The following SLC12A1 variants were observed in gnomAD, a reference collection of about 807,000 sequenced individuals.
SLC12A1 encodes the protein solute carrier family 12 member 1, also known as Na-K-2Cl cotransporter.
SLC12A1 carries 89 observed loss-of-function variants against 130.4 expected under a neutral mutation model. That is an observed-to-expected ratio of 0.68 (90% CI 0.58 to 0.81). The LOEUF is 0.81. Among genes scored for constraint, SLC12A1 ranks in the 40% least tolerant of loss-of-function variants. The probability of loss-of-function intolerance (pLI) is 0.00; values close to 1 mark genes in which losing one functional copy is unlikely to be tolerated. For missense variants in SLC12A1, 1,310 were observed against 1,336.4 expected (o/e 0.98, Z 0.31); for synonymous variants, 499 against 460.0 (o/e 1.08, Z -1.09).
At position 48,274,558 on chromosome 15, in the gene SLC12A1, C is replaced by T; in HGVS notation, c.2403-13C>T. On this transcript the variant is annotated splice_polypyrimidine_tract_variant and intron_variant, in intron 19 of 26. Transcript: ENST00000380993. ...GCCATTTAAAACGCTGACTGCTTTG[C>T]TTCCTCTTTCAGTGATGCATTTGAT... is the stretch of plus-strand genomic sequence containing the variant. 6.8e-7 allele frequency: 1 copy of T among 1,477,058 alleles called. No individual in the cohort carries two copies. The highest frequency in any genetic ancestry group is 9.5e-7 in the Non-Finnish European group (1 of 1,057,032). 91.5% of individuals were successfully genotyped at this position (1,477,058 alleles called of 1,614,324 possible).
intron 17 of SLC12A1, among the ~76,000 whole-genome samples, chr15:48,260,879 A>G (rs1357655773): frequency 6.6e-6 from 1 of 152,238 alleles, no homozygotes; most frequent in Non-Finnish European, 1.5e-5. Flanking sequence ...TAAATGCTTT[A>G]TGAAGCAGTT....
At chr15:48,263,505 G>A (rs1276458847) in intron 17 of SLC12A1, among the ~76,000 whole-genome samples, 1 of 152,000 alleles carries the variant, frequency 6.6e-6, no homozygotes, top group East Asian at 1.9e-4. Context: ...CATTTTTATA[G>A]ATCAAAATCG....
Position 48,206,329 on chromosome 15 carries a change from T to C in SLC12A1, c.-188T>C, listed in dbSNP as rs2040983353. ...ATTTCCTCAGAAGAAGGCTCCTTGG[T>C]GGTAAGTTGAACATTTCTGGGCAGG... On this transcript the variant is annotated splice_region_variant and 5_prime_UTR_variant, in exon 1 of 27. Transcript: ENST00000380993. 2.0e-5 allele frequency: 3 copies of C among 152,206 alleles called. No homozygotes were observed. The highest frequency in any genetic ancestry group is 2.0e-4 in the Admixed American group (3 of 15,278). The allele number at this position is 152,206 out of a possible 1,614,324, so 9.4% of individuals were successfully genotyped here.
chr15:48,232,574 A>G (rs2041394147), intron 7 of SLC12A1, among the ~76,000 whole-genome samples, 153 bp from the exon 8 acceptor site: 1 of 152,226 alleles, frequency 6.6e-6, no homozygotes, highest in African/African-American at 2.4e-5. Flanking sequence ...ATGCCATTCT[A>G]ATAAGGATGC....
Position 48,231,247 on chromosome 15 carries a change from TG to T in SLC12A1, c.975+745del, listed in dbSNP as rs1454963104. Reference sequence around the variant, plus strand: ...AAAAATTAAGTTAGTGCCTACCACATGTTGAGCATTCTTCTAGGCACTGATA... The same window carrying T: ...AAAAATTAAGTTAGTGCCTACCACATTTGAGCATTCTTCTAGGCACTGATA... On this transcript the variant is annotated intron_variant, in intron 7 of 26. Coordinates refer to ENST00000380993, the MANE Select transcript of SLC12A1 (RefSeq NM_000338.3). 3.3e-5 allele frequency among the ~76,000 whole-genome samples: 5 copies of T among 152,362 alleles called. No homozygotes were observed. The East Asian group carries it at 9.6e-4, about 29-fold the overall frequency.
intron 2 of SLC12A1, among the ~76,000 whole-genome samples, chr15:48,210,863 C>CA (rs879639499): frequency 4.5e-4 from 62 of 136,910 alleles, no homozygotes; most frequent in Admixed American, 7.3e-4. Flanking sequence ...AACTCCATCT[C>CA]AAAAAAAAAA....
intron 20 of SLC12A1, 28 bp from the exon 21 acceptor site, chr15:48,285,078 A>T: frequency 6.5e-7 from 1 of 1,528,742 alleles, no homozygotes; most frequent in Non-Finnish European, 8.8e-7. Flanking sequence ...TTCTGAGTTA[A>T]GTAGGTGATT....
intron 17 of SLC12A1, among the ~76,000 whole-genome samples, chr15:48,263,278 T>G (rs1251971922): frequency 2.0e-5 from 3 of 152,210 alleles, no homozygotes; most frequent in African/African-American, 7.2e-5. Context: ...ACAAATCAGA[T>G]AAAGTCATTA....
chr15:48,266,824 T>C (rs1441516552), intron 17 of SLC12A1, among the ~76,000 whole-genome samples: 1 of 152,142 alleles, frequency 6.6e-6, no homozygotes, highest in Non-Finnish European at 1.5e-5. Flanking sequence ...AAAATAGAAT[T>C]TTTCATTAAA....
rs185746045 is a variant in SLC12A1, at chr15:48,286,161, G to A, written c.2629+912G>A. ...AAGGCCATCTCCTACCCTGTAAATC[G>A]TTTGTCTGTTTGCTTTCCTACTATA... On this transcript the variant is annotated intron_variant, in intron 21 of 26. Coordinates refer to ENST00000380993, the MANE Select transcript of SLC12A1 (RefSeq NM_000338.3). 4.6e-5 allele frequency among the ~76,000 whole-genome samples: 7 copies of A among 152,164 alleles called. No individual in the cohort carries two copies. The East Asian group carries it at 1.4e-3, about 29-fold the overall frequency.
rs891445620 is a variant in SLC12A1, at chr15:48,230,235, GT to G, written c.865-152del. ...CTATTATCACAGAAAAAAATGCTAG[GT>G]TTTTTATCTTCATAAATGTATGAAT... On this transcript the variant is annotated intron_variant, in intron 6 of 26. Transcript: ENST00000380993. 7.2e-4 allele frequency among the ~76,000 whole-genome samples: 109 copies of G among 152,100 alleles called. 1 individual carries two copies. The highest frequency in any genetic ancestry group is 2.3e-3 in the African/African-American group (96 of 41,480).
chr15:48,219,781 G>A (rs1364818988), intron 2 of SLC12A1, among the ~76,000 whole-genome samples: 1 of 151,904 alleles, frequency 6.6e-6, no homozygotes, highest in Admixed American at 6.6e-5. Flanking sequence ...GGACGGGCGC[G>A]GTGGCTCACA....
At chr15:48,220,074 A>G in intron 2 of SLC12A1, among the ~76,000 whole-genome samples, 1 of 144,898 alleles carries the variant, frequency 6.9e-6, no homozygotes, top group Non-Finnish European at 1.5e-5. Flanking sequence ...GTGCCACTGC[A>G]CTCCAGCCTG....
At chr15:48,219,184 T>C (rs1368894284) in intron 2 of SLC12A1, among the ~76,000 whole-genome samples, 2 of 152,226 alleles carry the variant, frequency 1.3e-5, no homozygotes, top group Non-Finnish European at 2.9e-5. Flanking sequence ...AGGAATAACA[T>C]TCTTGTCATC....
chr15:48,293,484 C>A (rs1023793808), intron 24 of SLC12A1, among the ~76,000 whole-genome samples: 3 of 152,166 alleles, frequency 2.0e-5, no homozygotes, highest in South Asian at 2.1e-4. Flanking sequence ...TAGATTATCA[C>A]GGTTCTGTCA....
At position 48,230,237 on chromosome 15, in the gene SLC12A1, T is replaced by A. The variant is rs867905500; in HGVS notation, c.865-156T>A. Reference sequence around the variant, plus strand: ...ATTATCACAGAAAAAAATGCTAGGTTTTTTATCTTCATAAATGTATGAATA... The same window carrying A: ...ATTATCACAGAAAAAAATGCTAGGTATTTTATCTTCATAAATGTATGAATA... On this transcript the variant is annotated intron_variant, in intron 6 of 26. Transcript: ENST00000380993. Among the ~76,000 whole-genome samples the A allele has an allele frequency of 7.2e-4, 109 of 152,356 alleles. 1 individual carries two copies. The highest frequency in any genetic ancestry group is 2.3e-3 in the African/African-American group (96 of 41,582).
chr15:48,226,632 T>C (rs2041291710), intron 5 of SLC12A1, 61 bp downstream of exon 5: 3 of 986,764 alleles, frequency 3.0e-6, no homozygotes, highest in Non-Finnish European at 4.8e-6. Flanking sequence ...AACAATTTTT[T>C]ATACTTCTTT....
At chr15:48,226,685 C>A in intron 5 of SLC12A1, 114 bp downstream of exon 5, 1 of 707,334 alleles carries the variant, frequency 1.4e-6, no homozygotes. Context: ...TGAAGCCTGG[C>A]TATTTGGAGG....
chr15:48,275,959 T>A (rs6493317), intron 20 of SLC12A1, among the ~76,000 whole-genome samples: 1 of 152,010 alleles, frequency 6.6e-6, no homozygotes, highest in Non-Finnish European at 1.5e-5. Context: ...TGGAAATAGA[T>A]AAATCAAAGA....
Sources: gnomAD v4.1 joint callset for allele counts (sites outside exome capture counted in the v4.1 genomes callset) on GRCh38, gnomAD v4.1.1 for gene constraint, MANE v1.5 for transcripts, NCBI Gene and HGNC (gene_info 2026-07-23, HGNC 2026-07-21) for gene names.